The following LIN28B variants were observed in gnomAD, a reference collection of about 807,000 sequenced individuals.
The protein encoded by LIN28B is protein lin-28 homolog B.
Under a neutral mutation model 21.9 loss-of-function variants are expected in LIN28B, and 5 were observed. The ratio of observed to expected loss-of-function variants is 0.23; its 90% CI spans 0.12 to 0.48. LIN28B has a LOEUF of 0.48. Ranked by LOEUF, LIN28B falls within the 20% of genes least tolerant of loss-of-function variation. The pLI, the probability that LIN28B is intolerant of heterozygous loss-of-function variation, is 0.98. For synonymous variants in LIN28B, 109 were observed against 111.3 expected (o/e 0.98, Z 0.13); for missense variants, 245 against 310.5 (o/e 0.79, Z 1.58).
intron 3 of LIN28B, among the ~76,000 whole-genome samples, chr6:105,076,698 C>G (rs1337624816): frequency 6.6e-6 from 1 of 151,832 alleles, no homozygotes; most frequent in Non-Finnish European, 1.5e-5. Context: ...ACCTCCGCCT[C>G]CCAGGTTCAA....
chr6:105,028,163 C>T (rs534415409), intron 3 of LIN28B, among the ~76,000 whole-genome samples: 1 of 152,292 alleles, frequency 6.6e-6, no homozygotes, highest in African/African-American at 2.4e-5. Flanking sequence ...GAATGCTTTA[C>T]ATTCCAATTC....
chr6:105,007,585 T>G (rs560317181), intron 2 of LIN28B, among the ~76,000 whole-genome samples: 8 of 151,430 alleles, frequency 5.3e-5, no homozygotes, highest in African/African-American at 1.9e-4. Flanking sequence ...AGTGCAGTAA[T>G]GTGATCATAG....
At chr6:104,999,681 G>C (rs1179994292) in intron 2 of LIN28B, among the ~76,000 whole-genome samples, 1 of 152,024 alleles carries the variant, frequency 6.6e-6, no homozygotes. Flanking sequence ...GCTGAACAAA[G>C]GAAGTTCTTT....
At chr6:105,027,251 T>A (rs1295160837) in intron 3 of LIN28B, among the ~76,000 whole-genome samples, 1 of 152,112 alleles carries the variant, frequency 6.6e-6, no homozygotes, top group Non-Finnish European at 1.5e-5. Context: ...TAAACTACTC[T>A]CCAGAAATGA....
intron 2 of LIN28B, among the ~76,000 whole-genome samples, chr6:104,977,766 C>T (rs528909031): frequency 4.9e-4 from 74 of 152,182 alleles, no homozygotes; most frequent in Middle Eastern, 3.4e-3. Flanking sequence ...TGGAGTTTCA[C>T]TATATTAGCC....
intron 3 of LIN28B, among the ~76,000 whole-genome samples, chr6:105,044,842 T>C (rs748563329): frequency 1.3e-5 from 2 of 152,140 alleles, no homozygotes; most frequent in African/African-American, 2.4e-5. Flanking sequence ...ATGATCTTAA[T>C]GGTAACATTT....
At chr6:105,013,994 G>A (rs1447507203) in intron 2 of LIN28B, among the ~76,000 whole-genome samples, 2 of 152,070 alleles carry the variant, frequency 1.3e-5, no homozygotes, top group Admixed American at 6.6e-5. Context: ...TTTGTTGAAA[G>A]CACTGACTTT....
intron 2 of LIN28B, among the ~76,000 whole-genome samples, chr6:105,013,622 C>G (rs1422581932): frequency 6.6e-6 from 1 of 151,096 alleles, no homozygotes; most frequent in African/African-American, 2.4e-5. Context: ...CCCAGCTACT[C>G]GAGAGATTGA....
intron 2 of LIN28B, among the ~76,000 whole-genome samples, chr6:105,024,766 G>C (rs1193597792): frequency 3.9e-5 from 6 of 151,956 alleles, no homozygotes; most frequent in Non-Finnish European, 1.5e-5. Context: ...TTGAAGTTTT[G>C]TTTTTATTTA....
intron 3 of LIN28B, among the ~76,000 whole-genome samples, chr6:105,057,577 G>A (rs550269968): frequency 3.7e-4 from 56 of 152,060 alleles, no homozygotes; most frequent in African/African-American, 1.3e-3. Context: ...TAGTATCCCC[G>A]TGTACCTCTT....
chr6:105,014,029 G>GT (rs768296052), intron 2 of LIN28B, among the ~76,000 whole-genome samples: 1 of 151,930 alleles, frequency 6.6e-6, no homozygotes, highest in Non-Finnish European at 1.5e-5. Flanking sequence ...TTTCTCTATT[G>GT]TTTTTTACCC....
chr6:104,947,632 A>T (rs1413946616), intron 2 of LIN28B, among the ~76,000 whole-genome samples: 1 of 151,892 alleles, frequency 6.6e-6, no homozygotes, highest in Admixed American at 6.6e-5. Context: ...TAAATCATAT[A>T]TTTAAATTAA....
At chr6:105,013,735 A>G (rs1401754002) in intron 2 of LIN28B, among the ~76,000 whole-genome samples, 2 of 152,272 alleles carry the variant, frequency 1.3e-5, no homozygotes, top group East Asian at 3.9e-4. Context: ...AAAAAAAAAA[A>G]AAAATTTACA....
intron 2 of LIN28B, among the ~76,000 whole-genome samples, chr6:104,943,076 A>G (rs1197725481): frequency 6.6e-6 from 1 of 152,174 alleles, no homozygotes; most frequent in Non-Finnish European, 1.5e-5. Context: ...GAGGCGAGGT[A>G]TGTCAATCTT....
chr6:105,025,403 C>G (rs1371632475), intron 2 of LIN28B, among the ~76,000 whole-genome samples: 1 of 152,018 alleles, frequency 6.6e-6, no homozygotes, highest in African/African-American at 2.4e-5. Context: ...ATATTTGAAA[C>G]CAAAATCAAC....
intron 2 of LIN28B, among the ~76,000 whole-genome samples, chr6:104,974,511 GA>G (rs1184367625): frequency 6.8e-6 from 1 of 146,114 alleles, no homozygotes; most frequent in South Asian, 2.2e-4. Flanking sequence ...AAAAGAAAAA[GA>G]AAAAAAGAAA....
intron 3 of LIN28B, among the ~76,000 whole-genome samples, chr6:105,039,003 A>G (rs867720694): frequency 1.3e-5 from 2 of 152,296 alleles, no homozygotes; most frequent in South Asian, 2.1e-4. Context: ...AAGATTGTTC[A>G]TATCTTTTTA....
chr6:104,980,028 G>A (rs1341819852), intron 2 of LIN28B, among the ~76,000 whole-genome samples: 2 of 152,108 alleles, frequency 1.3e-5, no homozygotes, highest in East Asian at 1.9e-4. Flanking sequence ...AAGGATTGAT[G>A]TGCTTTTGCA....
At chr6:105,063,401 C>G (rs557137429) in intron 3 of LIN28B, among the ~76,000 whole-genome samples, 1 of 152,080 alleles carries the variant, frequency 6.6e-6, no homozygotes, top group Non-Finnish European at 1.5e-5. Context: ...TAAGCAAGGC[C>G]GAGAAGGGCG....
Sources: allele counts gnomAD v4.1 joint callset (sites outside exome capture counted in the v4.1 genomes callset), GRCh38; gene constraint gnomAD v4.1.1; transcripts MANE v1.5; gene names NCBI Gene and HGNC (gene_info 2026-07-23, HGNC 2026-07-21).